UMPS: variants seen among roughly 807,000 people sequenced by gnomAD.
UMPS encodes the protein uridine monophosphate synthetase, also known as uridine 5'-monophosphate synthase.
Under a neutral mutation model 38.9 loss-of-function variants are expected in UMPS, and 21 were observed. The ratio of observed to expected loss-of-function variants is 0.54; its 90% CI spans 0.38 to 0.78. The LOEUF (loss-of-function observed/expected upper bound fraction) is 0.78. Ranked by LOEUF, UMPS falls within the 30% of genes least tolerant of loss-of-function variation. The pLI, the probability that UMPS is intolerant of heterozygous loss-of-function variation, is 0.00. For synonymous variants in UMPS, 208 were observed against 219.3 expected (o/e 0.95, Z 0.45); for missense variants, 533 against 591.6 (o/e 0.90, Z 1.03).
At position 124,737,924 on chromosome 3, in the gene UMPS, A is replaced by G. The variant is rs201672394; in HGVS notation, c.667A>G (p.Lys223Glu). 3.1e-6 allele frequency: 5 copies of G among 1,614,258 alleles called. No individual in the cohort carries two copies. The highest frequency in any genetic ancestry group is 3.3e-5 in the Admixed American group (2 of 60,032). The change falls in exon 3 of 6, where the codon AAA (lysine) becomes GAA (glutamate). Residue 223 changes from lysine to glutamate, a missense_variant. Transcript: ENST00000232607. ...TCCCCTTTCTATAAAGGAAGCACCC[A>G]AAGAACTCAGCTTCGGTGCACGTGC... Reference protein sequence around the residue: ...GSPLSIKEAPKELSFGARAEL... With the variant: ...GSPLSIKEAPEELSFGARAEL...
chr3:124,747,173 C>G lies in UMPS; in HGVS notation c.*3089C>G, dbSNP rs1183546946. 2.2e-6 allele frequency: 1 copy of G among 453,862 alleles called. No individual in the cohort carries two copies. The highest frequency in any genetic ancestry group is 2.3e-5 in the Admixed American group (1 of 42,556). The allele number at this position is 453,862 out of a possible 1,614,324, so 28.1% of individuals were successfully genotyped here. A position where few individuals can be genotyped will look rare whatever the true frequency, so the allele number is the denominator to read the frequency against. ...TCGAGTGGCTGGAACTACAGGCGTG[C>G]ACCACCACAGCTGGTTAATTTTTAA... On this transcript the variant is annotated 3_prime_UTR_variant, in exon 6 of 6. Transcript: ENST00000232607.
chr3:124,732,572 G>A (rs1161773433), intron 1 of UMPS: 1 of 154,776 alleles, frequency 6.5e-6, no homozygotes, highest in African/African-American at 2.4e-5. Flanking sequence ...TTCCAATACA[G>A]TTTGCTACTA....
rs765753853 is a variant in UMPS at position 124,740,013 on chromosome 3, C to T, written c.983-11C>T. The T allele has an allele frequency of 6.8e-6, 11 of 1,613,786 alleles. No homozygotes were observed. Among genetic ancestry groups the T allele is most frequent in the African/African-American group, 5.3e-5 (4 of 74,900 alleles). ...AAATCAGCAAATATCTTTTTTCCCC[C>T]TTCTTCTTAGGAGGTATCTTTAAAA... On this transcript the variant is annotated splice_polypyrimidine_tract_variant and intron_variant, in intron 3 of 5. Coordinates refer to ENST00000232607, the MANE Select transcript of UMPS (RefSeq NM_000373.4).
chr3:124,748,664 G>T lies in UMPS; in HGVS notation c.*4580G>T, dbSNP rs1430445598. ...AGGGCAGTTGACACCCAAAATAAGG[G>T]TGGGGAACTGTCAGCAGAGGAGGTC... On this transcript the variant is annotated 3_prime_UTR_variant, in exon 6 of 6. Coordinates refer to ENST00000232607, the MANE Select transcript of UMPS (RefSeq NM_000373.4). 4.4e-6 allele frequency: 2 copies of T among 453,910 alleles called. No individual in the cohort carries two copies. The highest frequency in any genetic ancestry group is 8.8e-6 in the Non-Finnish European group (2 of 226,782). 28.1% of individuals were successfully genotyped at this position (453,910 alleles called of 1,614,324 possible).
At chr3:124,736,164 G>A (rs962926040) in intron 2 of UMPS, among the ~76,000 whole-genome samples, 2 of 152,094 alleles carry the variant, frequency 1.3e-5, no homozygotes, top group African/African-American at 4.8e-5. Flanking sequence ...ATGGGAGGCT[G>A]AGGCAGGAGG....
rs1398734 is a variant in UMPS, at chr3:124,733,476, G to T, written c.157-1617G>T. On this transcript the variant is annotated intron_variant, in intron 1 of 5. Transcript: ENST00000232607. ...ACCCACAGGTTTAAATCAGATTGGG[G>T]TATTTGGTCCTTGTGGGATTCACAA... 89 of 178,888 alleles carry T rather than the reference G, an allele frequency of 5.0e-4. 1 individual carries two copies. In the East Asian group the frequency reaches 0.01, roughly 21 times the overall value. The allele number at this position is 178,888 out of a possible 1,614,324, so 11.1% of individuals were successfully genotyped here.
At chr3:124,738,530 T>A (rs570192658) in intron 3 of UMPS, 1 of 384,666 alleles carries the variant, frequency 2.6e-6, no homozygotes, top group Admixed American at 4.0e-5. Flanking sequence ...GGCAATTTGC[T>A]CTGCAACTGT....
At position 124,747,111 on chromosome 3, in the gene UMPS, T is replaced by C. The variant is rs1394206157; in HGVS notation, c.*3027T>C. The C allele has an allele frequency of 1.8e-5, 8 of 453,826 alleles. No homozygotes were observed. The highest frequency in any genetic ancestry group is 3.5e-5 in the Non-Finnish European group (8 of 226,704). 28.1% of individuals were successfully genotyped at this position (453,826 alleles called of 1,614,324 possible). ...CTTGGGCTCAAGCGATCCGCTCAAG[T>C]AGCTGGAACTACTCTCAAGTAGCTC... On this transcript the variant is annotated 3_prime_UTR_variant, in exon 6 of 6. Coordinates refer to ENST00000232607, the MANE Select transcript of UMPS (RefSeq NM_000373.4).
intron 2 of UMPS, among the ~76,000 whole-genome samples, chr3:124,736,470 T>G (rs1250568604): frequency 6.6e-6 from 1 of 152,182 alleles, no homozygotes; most frequent in Non-Finnish European, 1.5e-5. Context: ...TTTTCTGTTT[T>G]TGTTTTTTGT....
Position 124,745,444 on chromosome 3 carries a change from A to C in UMPS, c.*1360A>C, listed in dbSNP as rs1190200149. 2.2e-6 allele frequency: 1 copy of C among 453,586 alleles called. No individual in the cohort carries two copies. Among genetic ancestry groups the C allele is most frequent in the East Asian group, 7.0e-5 (1 of 14,370 alleles). The allele number at this position is 453,586 out of a possible 1,614,324, so 28.1% of individuals were successfully genotyped here. On this transcript the variant is annotated 3_prime_UTR_variant, in exon 6 of 6. Coordinates refer to ENST00000232607, the MANE Select transcript of UMPS (RefSeq NM_000373.4). Reference sequence around the variant, plus strand: ...AGTGGCACGATCTCGGCTCACTGCAACTTCTGCCTCTCTGGTTCAAGCAGT... The same window carrying C: ...AGTGGCACGATCTCGGCTCACTGCACCTTCTGCCTCTCTGGTTCAAGCAGT...
rs1416640903 is a variant in UMPS at position 124,744,813 on chromosome 3, A to T, written c.*729A>T. 2.2e-6 allele frequency: 1 copy of T among 453,890 alleles called. No individual in the cohort carries two copies. The highest frequency in any genetic ancestry group is 2.0e-5 in the African/African-American group (1 of 49,950). 28.1% of individuals were successfully genotyped at this position (453,890 alleles called of 1,614,324 possible). A position where few individuals can be genotyped will look rare whatever the true frequency, so the allele number is the denominator to read the frequency against. Reference sequence around the variant, plus strand: ...CTAATGTGTTGCCCAAATAATACCTAATTGTTAGCCATTCCCCTCCATCTC... The same window carrying T: ...CTAATGTGTTGCCCAAATAATACCTTATTGTTAGCCATTCCCCTCCATCTC... On this transcript the variant is annotated 3_prime_UTR_variant, in exon 6 of 6. Transcript: ENST00000232607.
chr3:124,738,106 T>C lies in UMPS; in HGVS notation c.849T>C (p.His283=), dbSNP rs145605038. 9 of 1,614,214 alleles carry C rather than the reference T, an allele frequency of 5.6e-6. No individual in the cohort carries two copies. The African/African-American group carries it at 6.7e-5, about 12-fold the overall frequency. Residue 283 remains histidine, a synonymous_variant, in exon 3 of 6, where the codon CAT becomes CAC. Transcript: ENST00000232607. The stretch of plus-strand genomic sequence containing the variant: ...CTAGTATCTGCATGCTGAAGACTCA[T>C]GTAGATATTTTGAATGATTTTACTC... The part of the protein sequence containing the change: ...LGPSICMLKT[H]VDILNDFTLD...
At position 124,735,268 on chromosome 3, in the gene UMPS, G is replaced by T. The variant is rs1162022355; in HGVS notation, c.310+22G>T. The T allele has an allele frequency of 4.4e-5, 71 of 1,597,450 alleles. No individual in the cohort carries two copies. The Admixed American group carries it at 1.1e-3, about 26-fold the overall frequency. On this transcript the variant is annotated intron_variant, in intron 2 of 5. Transcript: ENST00000232607. ...TATGGTAAAATAAAAGTAACATAAA[G>T]CATGAAGTTAATTAATCTGTAACAT...
At chr3:124,735,627 C>G (rs1453145434) in intron 2 of UMPS, among the ~76,000 whole-genome samples, 1 of 152,094 alleles carries the variant, frequency 6.6e-6, no homozygotes, top group Non-Finnish European at 1.5e-5. Context: ...GTAAACACCT[C>G]AGAGAGATAT....
At chr3:124,742,062 T>TTA in intron 4 of UMPS, 90 bp from the exon 5 acceptor site, 3 of 1,056,130 alleles carry the variant, frequency 2.8e-6, no homozygotes, top group Non-Finnish European at 4.3e-6. Context: ...TTTTTTTTTT[T>TTA]TTAAGTTTTG....
chr3:124,734,484 T>C lies in UMPS; in HGVS notation c.157-609T>C, dbSNP rs149275680. On this transcript the variant is annotated intron_variant, in intron 1 of 5. Transcript: ENST00000232607. ...GAAACCAGGAAGTCGGGATCGTCCT[T>C]AGTCTTTGGGGTCAACATCATGAGC... Among the ~76,000 whole-genome samples, 25 of 152,316 alleles carry C rather than the reference T, an allele frequency of 1.6e-4. 1 individual carries two copies. In the South Asian group the frequency reaches 2.9e-3, roughly 18 times the overall value.
rs554810943 is a variant in UMPS, at chr3:124,746,689, G to C, written c.*2605G>C. On this transcript the variant is annotated 3_prime_UTR_variant, in exon 6 of 6. Transcript: ENST00000232607. ...ACAGAATGTCTGTGAGACTGATGGA[G>C]TGGAGAACGCCATCCCCCAGCCTCT... is the stretch of plus-strand genomic sequence containing the variant. 1 of 453,128 alleles carries C rather than the reference G, an allele frequency of 2.2e-6. No individual in the cohort carries two copies. Among genetic ancestry groups the C allele is most frequent in the African/African-American group, 2.0e-5 (1 of 49,908 alleles). 28.1% of individuals were successfully genotyped at this position (453,128 alleles called of 1,614,324 possible).
chr3:124,737,011 A>T lies in UMPS; in HGVS notation c.311-557A>T, dbSNP rs540085041. On this transcript the variant is annotated intron_variant, in intron 2 of 5. Transcript: ENST00000232607. ...TTATTTGGCTGATCTTGAATAGTGAACTTAAAATACTTTGATGGAAAAAGG... is the reference window on the plus strand; with the variant it reads ...TTATTTGGCTGATCTTGAATAGTGATCTTAAAATACTTTGATGGAAAAAGG... Among the ~76,000 whole-genome samples the T allele has an allele frequency of 7.9e-5, 12 of 152,344 alleles. No individual in the cohort carries two copies. The South Asian group carries it at 2.1e-3, about 26-fold the overall frequency.
intron 1 of UMPS, among the ~76,000 whole-genome samples, chr3:124,734,184 GT>G (rs941875478): frequency 2.0e-5 from 3 of 150,820 alleles, no homozygotes; most frequent in African/African-American, 7.3e-5. Flanking sequence ...TTTTTTGTTT[GT>G]TTTTTTACTC....
Sources: gnomAD v4.1 joint callset for allele counts (sites outside exome capture counted in the v4.1 genomes callset) on GRCh38, gnomAD v4.1.1 for gene constraint, MANE v1.5 for transcripts, NCBI Gene and HGNC (gene_info 2026-07-23, HGNC 2026-07-21) for gene names.